LAMP3: variants seen among roughly 807,000 people sequenced by gnomAD.
LAMP3 encodes the protein lysosome associated membrane protein 3.
Under a neutral mutation model 34.8 loss-of-function variants are expected in LAMP3, and 26 were observed. The ratio of observed to expected loss-of-function variants is 0.75; its 90% CI spans 0.55 to 1.04. The LOEUF is 1.04. Ranked by LOEUF, LAMP3 falls within the 50% of genes least tolerant of loss-of-function variation. The pLI, the probability that LAMP3 is intolerant of heterozygous loss-of-function variation, is 0.00. For synonymous variants in LAMP3, 180 were observed against 201.9 expected (o/e 0.89, Z 0.92); for missense variants, 495 against 524.0 (o/e 0.94, Z 0.54).
At chr3:183,153,202 T>C (rs1290081665) in intron 2 of LAMP3, among the ~76,000 whole-genome samples, 1 of 133,714 alleles carries the variant, frequency 7.5e-6, no homozygotes, top group South Asian at 2.3e-4. Flanking sequence ...AGAAAGAAAA[T>C]ATTGTTTTAG....
intron 5 of LAMP3, among the ~76,000 whole-genome samples, chr3:183,124,920 AC>A (rs2108593477): frequency 6.6e-6 from 1 of 152,374 alleles, no homozygotes; most frequent in South Asian, 2.1e-4. Flanking sequence ...ATTTTTATCC[AC>A]TTTATAAAAC....
At chr3:183,125,970 T>C (rs964681039) in intron 5 of LAMP3, among the ~76,000 whole-genome samples, 1 of 152,118 alleles carries the variant, frequency 6.6e-6, no homozygotes, top group Admixed American at 6.5e-5. Flanking sequence ...ACTTGGCCTA[T>C]ATTTCTTAAA....
chr3:183,152,307 T>C lies in LAMP3; in HGVS notation c.888+68A>G, dbSNP rs988280927. On this transcript the variant is annotated intron_variant, in intron 3 of 5. Coordinates refer to ENST00000265598, the MANE Select transcript of LAMP3 (RefSeq NM_014398.4). The stretch of plus-strand genomic sequence containing the variant: ...AACTGAAGTGTGGGGTTGCACCACC[T>C]GGCCCCAGGATGAGGGAGAGGGAAA... 11 of 1,493,860 alleles carry C rather than the reference T, an allele frequency of 7.4e-6. No individual in the cohort carries two copies. In the South Asian group the frequency reaches 8.2e-5, roughly 11 times the overall value. The allele number at this position is 1,493,860 out of a possible 1,614,324, so 92.5% of individuals were successfully genotyped here.
chr3:183,160,831 A>G (rs1488594377), intron 1 of LAMP3: 2 of 152,232 alleles, frequency 1.3e-5, no homozygotes, highest in Non-Finnish European at 2.9e-5. Context: ...CCTCGCAAGT[A>G]AAACGGAGAC....
chr3:183,127,623 G>C (rs965680914), intron 5 of LAMP3, among the ~76,000 whole-genome samples: 1 of 152,086 alleles, frequency 6.6e-6, no homozygotes, highest in East Asian at 1.9e-4. Context: ...CCTGTTAAAT[G>C]AAAAATGTTT....
rs1270668939 is a variant in LAMP3 at position 183,122,421 on chromosome 3, T to G, written c.*1660A>C. ...TAACATCCTGACTTAGTTCCTTTCT[T>G]TAGCAGCAAAAAAAACAGCAGAAAT... On this transcript the variant is annotated 3_prime_UTR_variant, in exon 6 of 6. Coordinates refer to ENST00000265598, the MANE Select transcript of LAMP3 (RefSeq NM_014398.4). The G allele has an allele frequency of 6.6e-6, 1 of 152,152 alleles. No individual in the cohort carries two copies. The highest frequency in any genetic ancestry group is 1.5e-5 in the Non-Finnish European group (1 of 68,020). The allele number at this position is 152,152 out of a possible 1,614,324, so 9.4% of individuals were successfully genotyped here.
intron 1 of LAMP3, among the ~76,000 whole-genome samples, chr3:183,155,418 A>G (rs184926754): frequency 6.6e-6 from 1 of 152,280 alleles, no homozygotes; most frequent in African/African-American, 2.4e-5. Context: ...GTCTTTCTCA[A>G]CCAAGAAAGA....
intron 3 of LAMP3, among the ~76,000 whole-genome samples, chr3:183,144,662 C>A (rs76730564): frequency 6.6e-6 from 1 of 152,044 alleles, no homozygotes; most frequent in Non-Finnish European, 1.5e-5. Flanking sequence ...AAGCCCAGCT[C>A]GTAGGCCAAG....
chr3:183,142,739 T>C (rs1388591179), intron 3 of LAMP3, among the ~76,000 whole-genome samples: 1 of 152,162 alleles, frequency 6.6e-6, no homozygotes, highest in Non-Finnish European at 1.5e-5. Context: ...CCTATAACCA[T>C]TGATGGGAAG....
chr3:183,136,288 A>G (rs1354948606), intron 4 of LAMP3, among the ~76,000 whole-genome samples: 1 of 152,152 alleles, frequency 6.6e-6, no homozygotes, highest in African/African-American at 2.4e-5. Context: ...ACCCTTAATG[A>G]ATCAGTGAAG....
chr3:183,152,005 G>A (rs1052908447), intron 3 of LAMP3, among the ~76,000 whole-genome samples: 3 of 152,122 alleles, frequency 2.0e-5, no homozygotes, highest in South Asian at 2.1e-4. Flanking sequence ...ATTTGATTTC[G>A]GTTTTAGAAT....
intron 5 of LAMP3, among the ~76,000 whole-genome samples, chr3:183,131,747 C>T (rs747211773): frequency 2.1e-4 from 32 of 152,096 alleles, no homozygotes; most frequent in Non-Finnish European, 4.4e-5. Context: ...ATGAATGGCA[C>T]CTCTGGAAAA....
At chr3:183,161,192 C>T (rs1720965648) in intron 1 of LAMP3, among the ~76,000 whole-genome samples, 8 of 152,134 alleles carry the variant, frequency 5.3e-5, no homozygotes. Context: ...CAAGGCCTCC[C>T]TGCTGGGAAG....
At chr3:183,138,698 T>A (rs1720175756) in intron 4 of LAMP3, among the ~76,000 whole-genome samples, 1 of 152,158 alleles carries the variant, frequency 6.6e-6, no homozygotes, top group East Asian at 1.9e-4. Context: ...ATCTGAGGTA[T>A]CATTTTCTTC....
chr3:183,161,472 C>A (rs1420690167), intron 1 of LAMP3, among the ~76,000 whole-genome samples: 1 of 151,992 alleles, frequency 6.6e-6, no homozygotes, highest in Admixed American at 6.6e-5. Flanking sequence ...CTTACTGCAA[C>A]CTCCGCCTCT....
At chr3:183,153,519 C>G (rs146459565) in intron 2 of LAMP3, among the ~76,000 whole-genome samples, 163 bp downstream of exon 2, 35 of 152,288 alleles carry the variant, frequency 2.3e-4, no homozygotes, top group African/African-American at 7.7e-4. Flanking sequence ...CATGTATATC[C>G]TAAAACATAA....
At chr3:183,125,007 CTTAAAA>C (rs1226985280) in intron 5 of LAMP3, among the ~76,000 whole-genome samples, 3 of 152,142 alleles carry the variant, frequency 2.0e-5, no homozygotes, top group African/African-American at 7.2e-5. Context: ...TTTATGAGAG[CTTAAAA>C]GTGAGAGTTT....
chr3:183,136,036 C>T, intron 4 of LAMP3, 149 bp from the exon 5 acceptor site: 1 of 676,434 alleles, frequency 1.5e-6, no homozygotes, highest in Non-Finnish European at 2.6e-6. Context: ...CATGAAAAAA[C>T]ACCCTGGTGC....
At chr3:183,151,391 A>G (rs1310160129) in intron 3 of LAMP3, among the ~76,000 whole-genome samples, 3 of 149,042 alleles carry the variant, frequency 2.0e-5, no homozygotes, top group Non-Finnish European at 4.4e-5. Flanking sequence ...CTGGCTCTTG[A>G]GCATCCGCCA....
Sources: gnomAD v4.1 joint callset for allele counts (sites outside exome capture counted in the v4.1 genomes callset) on GRCh38, gnomAD v4.1.1 for gene constraint, MANE v1.5 for transcripts, NCBI Gene and HGNC (gene_info 2026-07-23, HGNC 2026-07-21) for gene names.